SYNE1: variants seen among roughly 807,000 people sequenced by gnomAD.
SYNE1 encodes nesprin-1.
A neutral mutation model predicts 1,111.0 loss-of-function variants in SYNE1; 616 were observed. The observed-to-expected ratio is 0.55, with a 90% CI of 0.52 to 0.59. SYNE1 has a LOEUF of 0.59. Among genes scored for constraint, SYNE1 ranks in the 20% least tolerant of loss-of-function variants. SYNE1 has a pLI of 0.00. For missense variants in SYNE1, 10,006 were observed against 10,417.0 expected, an observed-to-expected ratio of 0.96 and a Z score of 1.72; for synonymous variants, 3,855 against 3,825.8, an observed-to-expected ratio of 1.01 and a Z score of -0.28.
rs373129942 is a variant in SYNE1 at position 152,416,587 on chromosome 6, G to T, written c.5850C>A (p.Ala1950=). ...CCTCTCCACAGAGCTGATCAGCCGTGGCTCTGCAGGAAGTCCTTTGCTCAG... is the reference window on the plus strand; with the variant it reads ...CCTCTCCACAGAGCTGATCAGCCGTTGCTCTGCAGGAAGTCCTTTGCTCAG... ...GSSEQRTSCR[A]TADQLCGEVE... Residue 1950 remains alanine (A), a synonymous_variant, in exon 41 of 146, where the codon GCC becomes GCA. Coordinates refer to ENST00000367255, the MANE Select transcript of SYNE1 (RefSeq NM_182961.4). 1.7e-5 allele frequency: 28 copies of T among 1,613,922 alleles called. No individual in the cohort carries two copies. The African/African-American group carries it at 2.9e-4, about 17-fold the overall frequency.
At chr6:152,328,127 A>T (rs2096130302) in intron 78 of SYNE1, among the ~76,000 whole-genome samples, 1 of 152,176 alleles carries the variant, frequency 6.6e-6, no homozygotes. Context: ...AATCATTAAT[A>T]TCTCTCTTCT....
intron 131 of SYNE1, among the ~76,000 whole-genome samples, chr6:152,159,837 T>C (rs960606577): frequency 1.3e-5 from 2 of 152,200 alleles, no homozygotes; most frequent in African/African-American, 4.8e-5. Flanking sequence ...GCTTGATTTG[T>C]CCATACTTTA....
At chr6:152,300,850 G>T in intron 92 of SYNE1, 69 bp from the exon 93 acceptor site, 1 of 1,609,510 alleles carries the variant, frequency 6.2e-7, no homozygotes, top group African/African-American at 1.3e-5. Flanking sequence ...TCCTGTTCAG[G>T]CACAGGCCAA....
In SYNE1 at chr6:152,337,036, T is replaced by C. The variant is rs535649438; in HGVS notation, c.12352-19A>G. On this transcript the variant is annotated intron_variant, in intron 75 of 145. Coordinates refer to ENST00000367255, the MANE Select transcript of SYNE1 (RefSeq NM_182961.4). ...GTTCAATCTTGAGAAAACACAGAGA[T>C]AAAAGTTAGCAACCATACATGGAAA... 2.3e-5 allele frequency: 37 copies of C among 1,610,716 alleles called. No individual in the cohort carries two copies. Among genetic ancestry groups the C allele is most frequent in the East Asian group, 1.3e-4 (6 of 44,870 alleles).
intron 123 of SYNE1, among the ~76,000 whole-genome samples, chr6:152,213,026 G>A (rs1042423690): frequency 6.6e-5 from 10 of 152,026 alleles, no homozygotes; most frequent in Middle Eastern, 6.8e-3. Flanking sequence ...TAGTTATACC[G>A]GTAAATAGCA....
intron 137 of SYNE1, chr6:152,145,015 C>A (rs530358850): frequency 1.5e-4 from 28 of 188,886 alleles, no homozygotes; most frequent in Non-Finnish European, 2.9e-4. Flanking sequence ...CACCCCTTGT[C>A]TCATACGGGA....
At chr6:152,322,751 T>C (rs1259180362) in intron 82 of SYNE1, among the ~76,000 whole-genome samples, 2 of 152,206 alleles carry the variant, frequency 1.3e-5, no homozygotes, top group South Asian at 2.1e-4. Context: ...CTTTCTTACA[T>C]GTCATTTCCC....
chr6:152,482,905 C>T lies in SYNE1; in HGVS notation c.1350+180G>A, dbSNP rs538358019. 4.7e-4 allele frequency among the ~76,000 whole-genome samples: 71 copies of T among 152,294 alleles called. No homozygotes were observed. In the South Asian group the frequency reaches 6.2e-3, roughly 13 times the overall value. On this transcript the variant is annotated intron_variant, in intron 14 of 145. Transcript: ENST00000367255. ...TCTCAGGAAGTCAACCCACTGGAAC[C>T]GTCATTAACCAGTGTAAGAAAGAAA...
At position 152,174,408 on chromosome 6, in the gene SYNE1, T is replaced by A. The variant is rs79356224; in HGVS notation, c.23627+1986A>T. On this transcript the variant is annotated intron_variant, in intron 130 of 145. Transcript: ENST00000367255. ...AGCTAAAATATTATTTCCATCTCTT[T>A]ATAGTGCCTTTTCCAGAGCTCCTAT... Among the ~76,000 whole-genome samples the A allele has an allele frequency of 7.2e-3, 1,091 of 152,320 alleles. 5 individuals carry two copies. The highest frequency in any genetic ancestry group is 0.022 in the South Asian group (106 of 4,828).
At chr6:152,452,824 A>C (rs70015) in intron 25 of SYNE1, among the ~76,000 whole-genome samples, 79,754 of 152,088 alleles carry the variant, frequency 0.52, 22,805 homozygotes, top group East Asian at 0.76. Context: ...CCATGACACA[A>C]AAGTCAGACG....
chr6:152,614,904 T>C (rs1228517659), intron 3 of SYNE1, among the ~76,000 whole-genome samples: 6 of 152,132 alleles, frequency 3.9e-5, no homozygotes, highest in African/African-American at 1.4e-4. Context: ...ATACCAAATG[T>C]TCTCACTCAT....
Position 152,151,625 on chromosome 6 carries a change from C to T in SYNE1, c.24378G>A (p.Glu8126=), listed in dbSNP as rs754573881. 2.4e-5 allele frequency: 39 copies of T among 1,614,134 alleles called. No homozygotes were observed. The highest frequency in any genetic ancestry group is 3.3e-5 in the Non-Finnish European group (39 of 1,180,016). ...CAATATTAGTGAGCTGCAGATCCAT[C>T]TCTGTGAGCCAGACCAGAATGCTGT... is the stretch of plus-strand genomic sequence containing the variant. ...ARDSILVWLT[E]MDLQLTNIEH... Residue 8126 remains glutamate, a synonymous_variant, in exon 135 of 146, where the codon GAG becomes GAA. Coordinates refer to ENST00000367255, the MANE Select transcript of SYNE1 (RefSeq NM_182961.4).
intron 34 of SYNE1, among the ~76,000 whole-genome samples, chr6:152,432,009 G>A (rs181882375): frequency 1.2e-3 from 188 of 152,152 alleles, no homozygotes; most frequent in African/African-American, 3.7e-3. Context: ...GTTAAGAACC[G>A]AGCTCTTAGT....
intron 125 of SYNE1, 77 bp from the exon 126 acceptor site, chr6:152,206,439 C>T (rs1324230231): frequency 1.3e-6 from 2 of 1,538,452 alleles, no homozygotes; most frequent in African/African-American, 2.7e-5. Context: ...TTAAATGGCC[C>T]TAACTTTTGC....
chr6:152,407,689 AATG>A (rs1398708403), intron 44 of SYNE1, among the ~76,000 whole-genome samples: 3 of 152,244 alleles, frequency 2.0e-5, no homozygotes, highest in South Asian at 4.1e-4. Flanking sequence ...CTCTTCCTAT[AATG>A]ATATGCACTA....
At chr6:152,139,205 A>G (rs1465873763) in intron 140 of SYNE1, among the ~76,000 whole-genome samples, 1 of 152,176 alleles carries the variant, frequency 6.6e-6, no homozygotes, top group Non-Finnish European at 1.5e-5. Flanking sequence ...TAAAATATCA[A>G]TTCATTAAAT....
At position 152,468,748 on chromosome 6, in the gene SYNE1, A is replaced by C. The variant is rs367683867; in HGVS notation, c.1633-2670T>G. Among the ~76,000 whole-genome samples, 9 of 152,266 alleles carry C rather than the reference A, an allele frequency of 5.9e-5. No individual in the cohort carries two copies. In the East Asian group the frequency reaches 1.7e-3, roughly 29 times the overall value. On this transcript the variant is annotated intron_variant, in intron 16 of 145. Coordinates refer to ENST00000367255, the MANE Select transcript of SYNE1 (RefSeq NM_182961.4). ...TTACTTTGGTTATTAGATGATGTAG[A>C]AGCATGTAGCTTATTATAATACTTT...
intron 54 of SYNE1, 108 bp downstream of exon 54, chr6:152,386,964 C>T (rs993102324): frequency 1.0e-6 from 1 of 980,634 alleles, no homozygotes. Context: ...ATTTAATCCA[C>T]AGTTTCTTCT....
intron 64 of SYNE1, among the ~76,000 whole-genome samples, chr6:152,361,322 T>C (rs2096926767): frequency 6.6e-6 from 1 of 152,124 alleles, no homozygotes; most frequent in Non-Finnish European, 1.5e-5. Flanking sequence ...GCTTATCCTG[T>C]AGACAATGGG....
Sources: allele counts gnomAD v4.1 joint callset (sites outside exome capture counted in the v4.1 genomes callset), GRCh38; gene constraint gnomAD v4.1.1; transcripts MANE v1.5; gene names NCBI Gene and HGNC (gene_info 2026-07-23, HGNC 2026-07-21).